ZNF248: variants seen among roughly 807,000 people sequenced by gnomAD.
The protein encoded by ZNF248 is KRAB protein domain.
ZNF248 carries 20 observed loss-of-function variants against 44.3 expected under a neutral mutation model. The observed-to-expected ratio is 0.45, with a 90% CI of 0.32 to 0.66. The LOEUF (loss-of-function observed/expected upper bound fraction) is 0.66, where lower values mean the gene tolerates loss of function less well. Ranked by LOEUF, ZNF248 falls within the 30% of genes least tolerant of loss-of-function variation. The pLI is 0.04. For synonymous variants in ZNF248, 224 were observed against 229.0 expected, an observed-to-expected ratio of 0.98 and a Z score of 0.20; for missense variants, 654 against 677.0, an observed-to-expected ratio of 0.97 and a Z score of 0.38.
At chr10:37,820,001 C>A (rs1046340844) in intron 6 of ZNF248, 2 of 774,232 alleles carry the variant, frequency 2.6e-6, no homozygotes, top group African/African-American at 1.7e-5. Context: ...TCTCTACATG[C>A]CATCTTCTCT....
At chr10:37,798,475 T>G (rs1175624856) in intron 6 of ZNF248, among the ~76,000 whole-genome samples, 1 of 152,160 alleles carries the variant, frequency 6.6e-6, no homozygotes, top group African/African-American at 2.4e-5. Flanking sequence ...GGAATTTCCA[T>G]GTGCACTAAT....
chr10:37,772,753 T>C (rs1299330184), downstream of ZNF248, among the ~76,000 whole-genome samples: 2 of 152,190 alleles, frequency 1.3e-5, no homozygotes, highest in African/African-American at 4.8e-5. Context: ...TTATTCCTGT[T>C]CATCTTTCCA....
chr10:37,773,898 G>A (rs547950734), downstream of ZNF248, among the ~76,000 whole-genome samples: 10 of 152,192 alleles, frequency 6.6e-5, no homozygotes, highest in East Asian at 1.2e-3. Context: ...CAGCATTAAC[G>A]TCTGCCTAGC....
intron 6 of ZNF248, among the ~76,000 whole-genome samples, chr10:37,799,247 A>G (rs2133188455): frequency 6.6e-6 from 1 of 152,268 alleles, no homozygotes; most frequent in South Asian, 2.1e-4. Flanking sequence ...AACCTAAAAA[A>G]TGTACAATTT....
At chr10:37,847,645 T>C (rs140917809) in intron 3 of ZNF248, among the ~76,000 whole-genome samples, 69 of 152,312 alleles carry the variant, frequency 4.5e-4, no homozygotes, top group African/African-American at 1.6e-3. Flanking sequence ...GTAAAAATTA[T>C]ACAAGTGTTT....
chr10:37,823,637 G>A (rs1009211016), intron 6 of ZNF248, among the ~76,000 whole-genome samples: 1 of 151,898 alleles, frequency 6.6e-6, no homozygotes, highest in African/African-American at 2.4e-5. Context: ...GCAGAGGCAC[G>A]ATCTCGGCTC....
At chr10:37,853,778 C>T (rs1208669) in intron 3 of ZNF248, among the ~76,000 whole-genome samples, 9,111 of 151,988 alleles carry the variant, frequency 0.06, 348 homozygotes, top group Middle Eastern at 0.095. Context: ...AATGAAGAAA[C>T]ACAGACATCT....
At chr10:37,770,757 A>C in the ZNF248 span, among the ~76,000 whole-genome samples, 45 of 152,192 alleles carry the variant, frequency 3.0e-4, no homozygotes, top group Middle Eastern at 3.4e-3. Flanking sequence ...GCAACAAAAG[A>C]CAAAATTGAC....
At chr10:37,792,989 A>G (rs1442529375) in intron 6 of ZNF248, among the ~76,000 whole-genome samples, 5 of 152,164 alleles carry the variant, frequency 3.3e-5, no homozygotes, top group Non-Finnish European at 7.4e-5. Context: ...CATCATGGGA[A>G]CTGGGTGAAA....
intron 3 of ZNF248, among the ~76,000 whole-genome samples, chr10:37,842,667 G>GA (rs921241737): frequency 4.6e-5 from 7 of 151,810 alleles, no homozygotes; most frequent in East Asian, 3.9e-4. Context: ...ATTTAGGATA[G>GA]AAAAAAAATA....
At chr10:37,818,662 G>T in intron 6 of ZNF248, 1 of 522,176 alleles carries the variant, frequency 1.9e-6, no homozygotes, top group Non-Finnish European at 3.6e-6. Flanking sequence ...GCCCCAGCAG[G>T]GCTACTCACA....
chr10:37,814,415 T>G (rs1322317061), intron 6 of ZNF248, among the ~76,000 whole-genome samples: 1 of 152,230 alleles, frequency 6.6e-6, no homozygotes, highest in African/African-American at 2.4e-5. Context: ...GTGGAATTAC[T>G]AACCAAAGTT....
rs145416397 is a variant in ZNF248, at chr10:37,835,363, A to G, written c.239-2247T>C. ...TGCCATGGTTGCCATTCAAGATAGC[A>G]GTAACATGGAAGAATGTACCTCATT... On this transcript the variant is annotated intron_variant, in intron 5 of 5. Coordinates refer to ENST00000395867, the MANE Select transcript of ZNF248 (RefSeq NM_021045.3). 2.8e-3 allele frequency among the ~76,000 whole-genome samples: 428 copies of G among 152,346 alleles called. 4 individuals are homozygous for G. The highest frequency in any genetic ancestry group is 9.7e-3 in the African/African-American group (402 of 41,584).
At chr10:37,791,752 T>C (rs1452961794) in intron 6 of ZNF248, 1 of 152,222 alleles carries the variant, frequency 6.6e-6, no homozygotes, top group African/African-American at 2.4e-5. Flanking sequence ...GTTGGGAGCA[T>C]GTTGAAAGAA....
At chr10:37,800,019 G>A (rs2133198269) in intron 6 of ZNF248, among the ~76,000 whole-genome samples, 1 of 151,512 alleles carries the variant, frequency 6.6e-6, no homozygotes. Flanking sequence ...ACACACCTGG[G>A]CAACATAATG....
chr10:37,841,974 G>A (rs2134259295), intron 3 of ZNF248, among the ~76,000 whole-genome samples: 1 of 152,260 alleles, frequency 6.6e-6, no homozygotes, highest in South Asian at 2.1e-4. Context: ...TGATGACTAA[G>A]TAGAATGTGG....
At chr10:37,820,681 T>A in intron 6 of ZNF248, 1 of 1,397,310 alleles carries the variant, frequency 7.2e-7, no homozygotes, top group Non-Finnish European at 1.0e-6. Flanking sequence ...CATTCTGCTT[T>A]TTCTCGGGAG....
At chr10:37,787,151 C>A (rs572131206) in intron 6 of ZNF248, among the ~76,000 whole-genome samples, 1 of 151,988 alleles carries the variant, frequency 6.6e-6, no homozygotes, top group Non-Finnish European at 1.5e-5. Context: ...TGGTGGTACA[C>A]GCCTGTAGTC....
At chr10:37,824,672 A>ATTTTTTTTTTTTTTTTTTTTTT (rs1564542451), downstream of ZNF248, among the ~76,000 whole-genome samples, 10 of 61,296 alleles carry the variant, frequency 1.6e-4, no homozygotes, top group African/African-American at 6.8e-4. Context: ...AATTATTTTA[A>ATTTTTTTTTTTTTTTTTTTTTT]ATTTTTTTTT....
Sources: gnomAD v4.1 joint callset for allele counts (sites outside exome capture counted in the v4.1 genomes callset) on GRCh38, gnomAD v4.1.1 for gene constraint, MANE v1.5 for transcripts, NCBI Gene and HGNC (gene_info 2026-07-23, HGNC 2026-07-21) for gene names.